The following FAM169A variants were observed in gnomAD, a reference collection of about 807,000 sequenced individuals.
FAM169A encodes the protein soluble lamin-associated protein of 75 kDa.
In FAM169A, 24 loss-of-function variants were observed where a neutral mutation model predicts 75.7. The ratio of observed to expected loss-of-function variants is 0.32; its 90% CI spans 0.23 to 0.45. The LOEUF is 0.45. Ranked by LOEUF, FAM169A falls within the 20% of genes least tolerant of loss-of-function variation. FAM169A has a pLI of 1.00. For synonymous variants in FAM169A, 271 were observed against 271.0 expected (o/e 1.00, Z 0.00); for missense variants, 673 against 784.0 (o/e 0.86, Z 1.69).
intron 1 of FAM169A, among the ~76,000 whole-genome samples, chr5:74,862,064 G>A (rs1750063861): frequency 1.3e-5 from 2 of 152,190 alleles, no homozygotes; most frequent in African/African-American, 4.8e-5. Flanking sequence ...TGCAGCAGAT[G>A]TGTCTCAACT....
intron 10 of FAM169A, chr5:74,799,415 T>C: frequency 6.2e-7 from 1 of 1,613,196 alleles, no homozygotes. Flanking sequence ...AAAAAGCTGA[T>C]TCGCTCCACA....
chr5:74,811,772 T>C (rs893500810), intron 6 of FAM169A, among the ~76,000 whole-genome samples: 6 of 152,220 alleles, frequency 3.9e-5, no homozygotes, highest in African/African-American at 9.6e-5. Flanking sequence ...GTCCATAAAA[T>C]GGAATACGGC....
At chr5:74,846,693 T>C (rs1468561466) in intron 1 of FAM169A, among the ~76,000 whole-genome samples, 2 of 152,194 alleles carry the variant, frequency 1.3e-5, no homozygotes, top group Admixed American at 6.5e-5. Flanking sequence ...GCCTCCCAAG[T>C]AGCTAAGACC....
intron 11 of FAM169A, among the ~76,000 whole-genome samples, chr5:74,783,710 A>G (rs749968001): frequency 1.3e-5 from 2 of 152,196 alleles, no homozygotes; most frequent in Non-Finnish European, 2.9e-5. Flanking sequence ...CTCCTTGCAT[A>G]TCATTAAAGT....
At position 74,779,166 on chromosome 5, in the gene FAM169A, A is replaced by T. The variant is rs1385234785; in HGVS notation, c.*2294T>A. The T allele has an allele frequency of 6.6e-6, 1 of 152,174 alleles. No homozygotes were observed. Among genetic ancestry groups the T allele is most frequent in the African/African-American group, 2.4e-5 (1 of 41,456 alleles). 9.4% of individuals were successfully genotyped at this position (152,174 alleles called of 1,614,324 possible). ...CTATTTAACCCAAACAAGTTTAACAAGAATAAGTTTATACTGTTAGCCCCC... is the reference window on the plus strand; with the variant it reads ...CTATTTAACCCAAACAAGTTTAACATGAATAAGTTTATACTGTTAGCCCCC... On this transcript the variant is annotated 3_prime_UTR_variant, in exon 13 of 13. Transcript: ENST00000687041.
At chr5:74,829,898 A>C (rs1748223132) in intron 5 of FAM169A, among the ~76,000 whole-genome samples, 1 of 152,126 alleles carries the variant, frequency 6.6e-6, no homozygotes, top group Admixed American at 6.5e-5. Context: ...GCTTGAACCC[A>C]GGAGGCAGAG....
At chr5:74,834,352 A>G in intron 5 of FAM169A, 74 bp downstream of exon 5, 1 of 828,436 alleles carries the variant, frequency 1.2e-6, no homozygotes, top group Non-Finnish European at 1.7e-6. Flanking sequence ...TTTAACAGAG[A>G]TATTGATACA....
chr5:74,853,282 A>G (rs555776179), intron 1 of FAM169A, among the ~76,000 whole-genome samples: 12 of 152,344 alleles, frequency 7.9e-5, no homozygotes, highest in African/African-American at 2.9e-4. Context: ...TCTGATGATA[A>G]TAACAAGAGA....
intron 7 of FAM169A, 104 bp from the exon 8 acceptor site, chr5:74,804,709 A>G: frequency 1.7e-6 from 1 of 575,776 alleles, no homozygotes; most frequent in Non-Finnish European, 3.0e-6. Context: ...GCCTGGACAG[A>G]AGGGTCACGA....
At chr5:74,789,983 G>A (rs927417773) in intron 11 of FAM169A, among the ~76,000 whole-genome samples, 1 of 152,212 alleles carries the variant, frequency 6.6e-6, no homozygotes, top group African/African-American at 2.4e-5. Flanking sequence ...GGTGCTTTCT[G>A]ACCCATCTAG....
At chr5:74,804,361 AC>A in intron 8 of FAM169A, 131 bp downstream of exon 8, 1 of 411,048 alleles carries the variant, frequency 2.4e-6, no homozygotes, top group East Asian at 3.6e-5. Flanking sequence ...TGCCAGGAAA[AC>A]TAACACAGTA....
At chr5:74,835,843 C>T (rs1368716490) in intron 4 of FAM169A, among the ~76,000 whole-genome samples, 1 of 152,156 alleles carries the variant, frequency 6.6e-6, no homozygotes, top group East Asian at 1.9e-4. Flanking sequence ...TGACCAACAA[C>T]AATTCTTCCT....
chr5:74,843,423 T>A (rs1748985756), intron 1 of FAM169A, among the ~76,000 whole-genome samples: 1 of 152,182 alleles, frequency 6.6e-6, no homozygotes, highest in Non-Finnish European at 1.5e-5. Context: ...ATGCACCCTG[T>A]CGGAGATTAA....
At position 74,809,926 on chromosome 5, in the gene FAM169A, T is replaced by C. The variant is rs866496418; in HGVS notation, c.670+3914A>G. Among the ~76,000 whole-genome samples the C allele has an allele frequency of 8.5e-5, 13 of 152,296 alleles. No individual in the cohort carries two copies. In the East Asian group the frequency reaches 1.5e-3, roughly 18 times the overall value. ...TGACATAACTACTTAGCAAATAGTT[T>C]TGCAACTTCTCAAAGTTAAACACAA... On this transcript the variant is annotated intron_variant, in intron 6 of 12. Transcript: ENST00000687041.
chr5:74,789,390 G>A lies in FAM169A; in HGVS notation c.1261-6256C>T, dbSNP rs12520245. On this transcript the variant is annotated intron_variant, in intron 11 of 12. Transcript: ENST00000687041. ...CTTCTAAGGTAAAGGATAGGATGCT[G>A]CATTTGGCCCCTACTACAACCAAGA... Among the ~76,000 whole-genome samples the A allele has an allele frequency of 1.3e-3, 197 of 152,316 alleles. 2 individuals carry two copies. In the East Asian group the frequency reaches 0.023, roughly 17 times the overall value.
intron 11 of FAM169A, among the ~76,000 whole-genome samples, chr5:74,794,595 G>T (rs560865084): frequency 4.0e-5 from 6 of 151,296 alleles, no homozygotes; most frequent in Non-Finnish European, 1.5e-5. Context: ...TGGCTAACAC[G>T]GTGAAACCCC....
intron 8 of FAM169A, 90 bp downstream of exon 8, chr5:74,804,403 G>T: frequency 1.9e-6 from 1 of 512,944 alleles, no homozygotes; most frequent in South Asian, 5.4e-5. Flanking sequence ...AATGAACTAT[G>T]ACATTTAAAA....
intron 1 of FAM169A, 129 bp from the exon 2 acceptor site, chr5:74,841,808 C>T (rs991911076): frequency 2.0e-5 from 15 of 754,892 alleles, no homozygotes; most frequent in Admixed American, 6.2e-5. Context: ...TCACTTTGCC[C>T]GCAGAATACA....
At chr5:74,858,932 G>C (rs574905033) in intron 1 of FAM169A, among the ~76,000 whole-genome samples, 6 of 152,174 alleles carry the variant, frequency 3.9e-5, no homozygotes, top group Admixed American at 6.5e-5. Context: ...AACAAAACAA[G>C]GCTGTGCATG....
Sources: gnomAD v4.1 joint callset for allele counts (sites outside exome capture counted in the v4.1 genomes callset) on GRCh38, gnomAD v4.1.1 for gene constraint, MANE v1.5 for transcripts, NCBI Gene and HGNC (gene_info 2026-07-23, HGNC 2026-07-21) for gene names.